Variants in KAZN observed in about 807,000 individuals in gnomAD.
The protein encoded by KAZN is kazrin.
KAZN carries 40 observed loss-of-function variants against 87.4 expected under a neutral mutation model. The ratio of observed to expected loss-of-function variants is 0.46; its 90% CI spans 0.36 to 0.60. KAZN has a LOEUF of 0.60. KAZN is among the 20% of genes least tolerant of loss of function. The pLI is 0.00. For missense variants in KAZN, 898 were observed against 1,073.9 expected, an observed-to-expected ratio of 0.84 and a Z score of 2.29; for synonymous variants, 466 against 458.3, an observed-to-expected ratio of 1.02 and a Z score of -0.22.
intron 1 of KAZN, among the ~76,000 whole-genome samples, chr1:14,002,888 A>G (rs905793044): frequency 6.6e-6 from 1 of 152,230 alleles, no homozygotes; most frequent in Non-Finnish European, 1.5e-5. Context: ...TTATTCTACT[A>G]TAAAGACACA....
At chr1:14,855,917 G>A (rs1244328425) in intron 1 of KAZN, among the ~76,000 whole-genome samples, 1 of 152,252 alleles carries the variant, frequency 6.6e-6, no homozygotes, top group Non-Finnish European at 1.5e-5. Flanking sequence ...AACAGAGGGA[G>A]CGGCTGCTTA....
At chr1:14,678,191 A>C (rs10803297) in intron 1 of KAZN, among the ~76,000 whole-genome samples, 59,107 of 152,016 alleles carry the variant, frequency 0.39, 12,892 homozygotes, top group East Asian at 0.53. Context: ...AGGAAGACCC[A>C]CCCACAGGGT....
intron 1 of KAZN, among the ~76,000 whole-genome samples, chr1:14,909,683 A>T (rs947411454): frequency 1.3e-5 from 2 of 152,194 alleles, no homozygotes; most frequent in Admixed American, 1.3e-4. Flanking sequence ...GGCCAGGGCC[A>T]TGTTGTGGAC....
chr1:14,599,172 G>A lies in KAZN; in HGVS notation c.175G>A (p.Ala59Thr). 7.3e-7 allele frequency: 1 copy of A among 1,379,100 alleles called. No homozygotes were observed. The allele number at this position is 1,379,100 out of a possible 1,614,324, so 85.4% of individuals were successfully genotyped here. A position where few individuals can be genotyped will look rare whatever the true frequency, so the allele number is the denominator to read the frequency against. ...GGGAGCCGCGGCCAGCGCCTCGGCG[G>A]CGGGGGACTCGGCGGCGACGAACAT... is the stretch of plus-strand genomic sequence containing the variant. Reference protein sequence around the residue: ...GPGAAASASAAGDSAATNMEN... With the variant: ...GPGAAASASATGDSAATNMEN... The change falls in exon 1 of 15, where the codon GCG becomes ACG. Residue 59 changes from alanine (A) to threonine (T), a missense_variant. Ala to Thr is a moderately conservative substitution (Grantham distance 58, BLOSUM62 0). Coordinates refer to ENST00000376030, the MANE Select transcript of KAZN (RefSeq NM_201628.3). This position sits in a 1 kb window ranked among gnomAD's most constrained non-coding sequence, Gnocchi z 4.4.
chr1:14,445,908 C>T (rs1015296391), intron 2 of KAZN, among the ~76,000 whole-genome samples: 4 of 151,818 alleles, frequency 2.6e-5, no homozygotes, highest in East Asian at 1.9e-4. Flanking sequence ...AAGTATGAAG[C>T]GGTTGAGGCT....
chr1:13,979,081 G>A (rs1638525603), intron 1 of KAZN, among the ~76,000 whole-genome samples: 1 of 150,998 alleles, frequency 6.6e-6, no homozygotes, highest in Non-Finnish European at 1.5e-5. Context: ...TGGTGACAGA[G>A]TGAAATCCAG....
rs374800552 is a variant in KAZN, at chr1:14,396,704, C to T, written c.250-202279C>T. 1.0e-3 allele frequency among the ~76,000 whole-genome samples: 158 copies of T among 152,284 alleles called. 1 individual carries two copies. The highest frequency in any genetic ancestry group is 3.6e-3 in the African/African-American group (150 of 41,570). On this transcript the variant is annotated intron_variant, in intron 2 of 16. Coordinates refer to the KAZN transcript ENST00000636203. ...TCCTCATCTTACCCCTCCATCACTT[C>T]GTTACAAGTGTGGAAGAAAACTCTG...
intron 2 of KAZN, among the ~76,000 whole-genome samples, chr1:14,998,392 G>T (rs534473965): frequency 1.4e-5 from 2 of 138,914 alleles, no homozygotes; most frequent in Non-Finnish European, 3.0e-5. Context: ...GAGAGGAGAG[G>T]CTGTGTGTAT....
Position 14,186,929 on chromosome 1 carries a change from A to G in KAZN, c.249+6337A>G, listed in dbSNP as rs894030469. On this transcript the variant is annotated intron_variant, in intron 2 of 16. Coordinates refer to the KAZN transcript ENST00000636203. ...GGATAACTGGACGTTGAAGTGCTCC[A>G]TGATAAATACTGATGACAGCGTACA... is the stretch of plus-strand genomic sequence containing the variant. Among the ~76,000 whole-genome samples, 4 of 152,122 alleles carry G rather than the reference A, an allele frequency of 2.6e-5. No homozygotes were observed. In the South Asian group the frequency reaches 6.2e-4, roughly 24 times the overall value.
rs756539851 is a variant in KAZN, at chr1:14,241,104, G to A, written c.249+60512G>A. On this transcript the variant is annotated intron_variant, in intron 2 of 16. Coordinates refer to the KAZN transcript ENST00000636203. ...TTAGCTCAAGTCCCAGCTAAATGGA[G>A]GCTACAGAGGACATTGGGTGAAACC... Among the ~76,000 whole-genome samples the A allele has an allele frequency of 4.6e-5, 7 of 152,228 alleles. No homozygotes were observed. In the South Asian group the frequency reaches 1.4e-3, roughly 32 times the overall value.
In KAZN at chr1:14,599,028, C is replaced by T; in HGVS notation, c.31C>T (p.Arg11Cys). 3 of 1,570,146 alleles carry T rather than the reference C, an allele frequency of 1.9e-6. No individual in the cohort carries two copies. Among genetic ancestry groups the T allele is most frequent in the Non-Finnish European group, 2.6e-6 (3 of 1,162,122 alleles). MMEDNKQLAL[R>C]IDGAVQSASQ... ...GGAAGACAATAAGCAGCTCGCGCTC[C>T]GCATCGATGGGGCGGTCCAGTCGGC... Residue 11 changes from arginine (R) to cysteine (C), a missense_variant, in exon 1 of 15, where the codon CGC becomes TGC. This residue lies in a region of KAZN where 250 missense variants were observed against 263.0 expected (regional missense o/e 0.95). Transcript: ENST00000376030. The surrounding 1 kb of genome is among the most constrained non-coding windows in gnomAD (Gnocchi z 4.4).
intron 1 of KAZN, among the ~76,000 whole-genome samples, chr1:14,176,186 C>G (rs917192483): frequency 2.0e-5 from 3 of 152,094 alleles, no homozygotes; most frequent in African/African-American, 7.2e-5. Context: ...CTTCCCCTAC[C>G]CTTTCTCTTC....
At chr1:14,224,850 A>G (rs533997448) in intron 2 of KAZN, among the ~76,000 whole-genome samples, 2 of 152,346 alleles carry the variant, frequency 1.3e-5, no homozygotes, top group African/African-American at 4.8e-5. Context: ...AATAAACTTC[A>G]TAGATAATAT....
intron 2 of KAZN, among the ~76,000 whole-genome samples, chr1:14,477,575 T>A (rs894272551): frequency 1.3e-5 from 2 of 152,180 alleles, no homozygotes; most frequent in East Asian, 3.9e-4. Context: ...CTCTTCTGAT[T>A]CCCTCGGGGC....
chr1:14,453,542 A>G (rs1667400088), intron 2 of KAZN, among the ~76,000 whole-genome samples: 1 of 152,172 alleles, frequency 6.6e-6, no homozygotes, highest in South Asian at 2.1e-4. Context: ...CGCCACATTC[A>G]ATAGTCTATC....
Position 15,044,039 on chromosome 1 carries a change from G to A in KAZN, c.606G>A (p.Glu202=). The A allele has an allele frequency of 2.5e-6, 4 of 1,612,662 alleles. No homozygotes were observed. Among genetic ancestry groups the A allele is most frequent in the Non-Finnish European group, 3.4e-6 (4 of 1,179,828 alleles). ...KALAKEKDLL[E]REKWELRRQA... is the part of the protein sequence containing the mutation. ...TGGCCAAGGAGAAGGACCTGCTGGAGCGTGAGAAGTGGGAGCTGCGGCGCC... is the reference window on the plus strand; with the variant it reads ...TGGCCAAGGAGAAGGACCTGCTGGAACGTGAGAAGTGGGAGCTGCGGCGCC... Residue 202 remains glutamate, a synonymous_variant, in exon 4 of 15, where the codon GAG becomes GAA. Coordinates refer to ENST00000376030, the MANE Select transcript of KAZN (RefSeq NM_201628.3).
chr1:14,971,915 G>A (rs913613124), intron 2 of KAZN, among the ~76,000 whole-genome samples: 1 of 151,980 alleles, frequency 6.6e-6, no homozygotes, highest in African/African-American at 2.4e-5. Context: ...TCCCAGTCTC[G>A]TCCTCCTTCC....
At chr1:14,351,962 A>T (rs1658582162) in intron 2 of KAZN, among the ~76,000 whole-genome samples, 1 of 152,238 alleles carries the variant, frequency 6.6e-6, no homozygotes, top group Non-Finnish European at 1.5e-5. Flanking sequence ...TAAAGTAAAC[A>T]TGTACATTAT....
Position 15,115,093 on chromosome 1 carries a change from AG to A in KAZN, c.*460del, listed in dbSNP as rs1641796963. 6.5e-6 allele frequency: 1 copy of A among 154,060 alleles called. No homozygotes were observed. The highest frequency in any genetic ancestry group is 1.4e-5 in the Non-Finnish European group (1 of 69,320). 9.5% of individuals were successfully genotyped at this position (154,060 alleles called of 1,614,324 possible). A position where few individuals can be genotyped will look rare whatever the true frequency, so the allele number is the denominator to read the frequency against. On this transcript the variant is annotated 3_prime_UTR_variant, in exon 15 of 15. Transcript: ENST00000376030. The surrounding 1 kb of genome is among the most constrained non-coding windows in gnomAD (Gnocchi z 4.1). The stretch of plus-strand genomic sequence containing the variant: ...CCAGTGCATTGGCAGAGCCGGGTGC[AG>A]GAAGTGCTGCCTCTTGCCGAGACGT...
Sources: allele counts gnomAD v4.1 joint callset (sites outside exome capture counted in the v4.1 genomes callset), GRCh38; gene constraint gnomAD v4.1.1; regional missense constraint gnomAD v4.1.1; non-coding constraint Gnocchi (gnomAD v3.1); transcripts MANE v1.5; gene names NCBI Gene and HGNC (gene_info 2026-07-23, HGNC 2026-07-21).